Variants in NRG1 observed in about 807,000 individuals in gnomAD.
The protein encoded by NRG1 is pro-neuregulin-1, membrane-bound isoform.
Under a neutral mutation model 63.8 loss-of-function variants are expected in NRG1, and 18 were observed. The observed-to-expected ratio is 0.28, with a 90% CI of 0.19 to 0.42. The LOEUF (loss-of-function observed/expected upper bound fraction) is 0.42, where lower values mean the gene tolerates loss of function less well. Ranked by LOEUF, NRG1 falls within the 10% of genes least tolerant of loss-of-function variation. NRG1 has a pLI of 1.00. For synonymous variants in NRG1, 302 were observed against 301.3 expected (o/e 1.00, Z -0.02); for missense variants, 762 against 814.7 (o/e 0.94, Z 0.79).
chr8:32,190,468 T>C (rs1029588704), intron 1 of NRG1, among the ~76,000 whole-genome samples: 1 of 152,196 alleles, frequency 6.6e-6, no homozygotes, highest in Non-Finnish European at 1.5e-5. Flanking sequence ...TTTCCGGTTT[T>C]ACCCATACAA....
intron 1 of NRG1, among the ~76,000 whole-genome samples, chr8:31,984,604 C>T (rs371791951): frequency 2.1e-4 from 32 of 152,048 alleles, no homozygotes; most frequent in African/African-American, 7.7e-4. Context: ...TGTGTTTGGT[C>T]CTCCAATTAA....
intron 5 of NRG1, among the ~76,000 whole-genome samples, chr8:32,723,688 CAAAAAAAAAA>C (rs530225180): frequency 1.2e-4 from 4 of 33,806 alleles, no homozygotes; most frequent in East Asian, 3.2e-3. Flanking sequence ...GACTCCATCT[CAAAAAAAAAA>C]AAAAAAAAAA....
At chr8:32,049,928 G>A (rs1821699474) in intron 1 of NRG1, among the ~76,000 whole-genome samples, 1 of 152,030 alleles carries the variant, frequency 6.6e-6, no homozygotes. Context: ...GGGATCCAAA[G>A]CTTACCCACC....
At chr8:32,420,228 G>A (rs1007494485) in intron 1 of NRG1, among the ~76,000 whole-genome samples, 4 of 152,178 alleles carry the variant, frequency 2.6e-5, no homozygotes, top group Admixed American at 1.3e-4. Context: ...CTCCTCTTGT[G>A]ACTTAATGGT....
At chr8:31,967,865 T>C (rs1806618467) in intron 1 of NRG1, among the ~76,000 whole-genome samples, 1 of 152,240 alleles carries the variant, frequency 6.6e-6, no homozygotes. Flanking sequence ...AAGTACCGTC[T>C]TGGAGACACT....
intron 1 of NRG1, among the ~76,000 whole-genome samples, chr8:32,383,862 C>T (rs1385291649): frequency 6.6e-6 from 1 of 152,136 alleles, no homozygotes; most frequent in East Asian, 1.9e-4. Flanking sequence ...TGCATAGCCC[C>T]ACTTCGTCTG....
intron 1 of NRG1, among the ~76,000 whole-genome samples, chr8:32,416,176 T>TA (rs1294401366): frequency 1.3e-5 from 2 of 152,214 alleles, no homozygotes; most frequent in Admixed American, 1.3e-4. Context: ...GTATATAATA[T>TA]TACCTACCTT....
chr8:31,822,155 A>T (rs945546442), intron 1 of NRG1, among the ~76,000 whole-genome samples: 1 of 152,200 alleles, frequency 6.6e-6, no homozygotes, highest in African/African-American at 2.4e-5. Context: ...ACTATTTCCA[A>T]TAACTTACCT....
At chr8:32,185,721 C>T (rs1054201259) in intron 1 of NRG1, among the ~76,000 whole-genome samples, 2 of 152,188 alleles carry the variant, frequency 1.3e-5, no homozygotes, top group Non-Finnish European at 2.9e-5. Flanking sequence ...TCTAGTCACA[C>T]TTTGTCATGC....
intron 9 of NRG1, among the ~76,000 whole-genome samples, chr8:32,756,859 G>A (rs1375753599): frequency 6.6e-6 from 1 of 152,058 alleles, no homozygotes; most frequent in East Asian, 1.9e-4. Flanking sequence ...CAAAAAGAAT[G>A]TTTTCATATA....
intron 1 of NRG1, among the ~76,000 whole-genome samples, chr8:31,704,552 G>T (rs1361166244): frequency 6.6e-6 from 1 of 152,058 alleles, no homozygotes; most frequent in East Asian, 1.9e-4. Context: ...ATGATTCAGG[G>T]CTGGGCGCGG....
At chr8:32,344,952 G>T (rs1037687950) in intron 1 of NRG1, among the ~76,000 whole-genome samples, 9 of 151,994 alleles carry the variant, frequency 5.9e-5, no homozygotes, top group African/African-American at 2.2e-4. Flanking sequence ...GCTTGCTAGG[G>T]GAGATCCTTC....
At chr8:31,788,565 A>C (rs186905545) in intron 1 of NRG1, among the ~76,000 whole-genome samples, 50 of 152,292 alleles carry the variant, frequency 3.3e-4, no homozygotes, top group Non-Finnish European at 4.4e-4. Context: ...TCTTAAGACT[A>C]TTAGCACATC....
chr8:32,557,537 AAC>A (rs1382725164), intron 1 of NRG1, among the ~76,000 whole-genome samples: 1 of 152,168 alleles, frequency 6.6e-6, no homozygotes, highest in Non-Finnish European at 1.5e-5. Flanking sequence ...GATCTTTAGA[AAC>A]AGTTATAATA....
chr8:32,112,933 A>G (rs1449696839), intron 1 of NRG1, among the ~76,000 whole-genome samples: 1 of 152,204 alleles, frequency 6.6e-6, no homozygotes, highest in African/African-American at 2.4e-5. Context: ...TGGAATAACA[A>G]TGCTGTGTAC....
chr8:32,617,525 G>A (rs1354276067), intron 5 of NRG1, among the ~76,000 whole-genome samples: 1 of 152,186 alleles, frequency 6.6e-6, no homozygotes, highest in East Asian at 1.9e-4. Flanking sequence ...TAAAATATTA[G>A]CAAGGACTAG....
At chr8:32,044,381 A>C (rs1183371336) in intron 1 of NRG1, among the ~76,000 whole-genome samples, 1 of 151,932 alleles carries the variant, frequency 6.6e-6, no homozygotes. Context: ...TACTTTCTAG[A>C]AAATTGACAG....
chr8:32,054,523 T>C (rs752952969), intron 1 of NRG1, among the ~76,000 whole-genome samples: 28 of 152,212 alleles, frequency 1.8e-4, no homozygotes, highest in Non-Finnish European at 3.5e-4. Context: ...ATGTTAATCA[T>C]GTGTTATTGT....
chr8:31,897,548 T>C (rs901192237), intron 1 of NRG1, among the ~76,000 whole-genome samples: 2 of 151,948 alleles, frequency 1.3e-5, no homozygotes, highest in African/African-American at 2.4e-5. Context: ...CAGAAGAAAA[T>C]CAACTCTGAT....
Sources: gnomAD v4.1 joint callset for allele counts (sites outside exome capture counted in the v4.1 genomes callset) on GRCh38, gnomAD v4.1.1 for gene constraint, MANE v1.5 for transcripts, NCBI Gene and HGNC (gene_info 2026-07-23, HGNC 2026-07-21) for gene names.